Variants in SGPP1 observed in about 807,000 individuals in gnomAD.
The protein encoded by SGPP1 is hSPP1.
Under a neutral mutation model 33.0 loss-of-function variants are expected in SGPP1, and 21 were observed. The observed-to-expected ratio is 0.64, with a 90% CI of 0.45 to 0.92. The LOEUF (loss-of-function observed/expected upper bound fraction) is 0.92, where lower values mean the gene tolerates loss of function less well. Ranked by LOEUF, SGPP1 falls within the 40% of genes least tolerant of loss-of-function variation. The pLI is 0.00. For synonymous variants in SGPP1, 239 were observed against 241.2 expected (o/e 0.99, Z 0.08); for missense variants, 543 against 589.4 (o/e 0.92, Z 0.81).
At chr14:63,712,667 ATTTT>A (rs1566823533) in intron 1 of SGPP1, among the ~76,000 whole-genome samples, 2 of 152,120 alleles carry the variant, frequency 1.3e-5, no homozygotes, top group East Asian at 1.9e-4. Flanking sequence ...TTTTTTACTT[ATTTT>A]TTGTTTGTTT....
At position 63,724,051 on chromosome 14, in the gene SGPP1, AT is replaced by A. The variant is rs376537446; in HGVS notation, c.684+3209del. Among the ~76,000 whole-genome samples, 94 of 150,328 alleles carry A rather than the reference AT, an allele frequency of 6.3e-4. 1 individual carries two copies. The highest frequency in any genetic ancestry group is 2.1e-3 in the African/African-American group (85 of 40,986). On this transcript the variant is annotated intron_variant, in intron 1 of 2. Coordinates refer to ENST00000247225, the MANE Select transcript of SGPP1 (RefSeq NM_030791.4). ...CGCCACCATGCCCAGCTGATTTTTG[AT>A]TTTTTTTTGCAGAGACAGGGTCTCG...
chr14:63,723,036 T>C (rs1202536837), intron 1 of SGPP1, among the ~76,000 whole-genome samples: 1 of 151,840 alleles, frequency 6.6e-6, no homozygotes, highest in Non-Finnish European at 1.5e-5. Flanking sequence ...TTAAAACTGA[T>C]TACATTCCAT....
chr14:63,699,409 G>C (rs1316356075), intron 1 of SGPP1, among the ~76,000 whole-genome samples: 1 of 152,136 alleles, frequency 6.6e-6, no homozygotes, highest in Non-Finnish European at 1.5e-5. Context: ...GGCACATTTG[G>C]GGCTGTTTAT....
intron 1 of SGPP1, among the ~76,000 whole-genome samples, chr14:63,717,391 G>A (rs535678135): frequency 4.7e-5 from 7 of 149,960 alleles, no homozygotes; most frequent in Non-Finnish European, 7.4e-5. Context: ...ATCCGTTATC[G>A]GCTCACTGCA....
chr14:63,722,064 C>T (rs1763047527), intron 1 of SGPP1, among the ~76,000 whole-genome samples: 1 of 152,170 alleles, frequency 6.6e-6, no homozygotes, highest in Admixed American at 6.5e-5. Flanking sequence ...GCCCCTGACA[C>T]TTACTGGCTA....
In SGPP1 at chr14:63,686,508, G is replaced by A. The variant is rs777786902; in HGVS notation, c.923C>T (p.Thr308Ile). ...TCGGGATGTGCTCCAGGTGTCAAGA[G>A]TGAAAGAAAAGATCCCCAAAGCTAA... The part of the protein sequence containing the change: ...LHLALGIFSF[T>I]LDTWSTSRGD... The change falls in exon 3 of 3, where the codon ACT becomes ATT. Residue 308 changes from threonine (T) to isoleucine (I), a missense_variant. By Grantham distance (89) the Thr-to-Ile change is moderately conservative (BLOSUM62 -1). Transcript: ENST00000247225. The A allele has an allele frequency of 1.7e-5, 27 of 1,613,926 alleles. No individual in the cohort carries two copies. Among genetic ancestry groups the A allele is most frequent in the Non-Finnish European group, 2.3e-5 (27 of 1,180,022 alleles).
chr14:63,726,302 T>C (rs761900556), intron 1 of SGPP1, among the ~76,000 whole-genome samples: 1 of 152,216 alleles, frequency 6.6e-6, no homozygotes, highest in Non-Finnish European at 1.5e-5. Flanking sequence ...TTACGCACTT[T>C]ATTCTTAAAA....
intron 2 of SGPP1, among the ~76,000 whole-genome samples, chr14:63,687,115 T>C (rs2139622897): frequency 6.6e-6 from 1 of 152,250 alleles, no homozygotes; most frequent in African/African-American, 2.4e-5. Context: ...CAACCCCTAT[T>C]TTAGGGGTTG....
In SGPP1 at chr14:63,711,258, G is replaced by A. The variant is rs146064959; in HGVS notation, c.685-12600C>T. Among the ~76,000 whole-genome samples, 1,176 of 152,010 alleles carry A rather than the reference G, an allele frequency of 7.7e-3. 15 individuals are homozygous for A. The highest frequency in any genetic ancestry group is 0.026 in the African/African-American group (1,092 of 41,486). ...TTGAACTCCTGACCTCAGGTGATCC[G>A]CCCACCTCGGTCTCCCAAAGTGCTG... On this transcript the variant is annotated intron_variant, in intron 1 of 2. Coordinates refer to ENST00000247225, the MANE Select transcript of SGPP1 (RefSeq NM_030791.4).
chr14:63,692,751 C>T (rs1267726269), intron 2 of SGPP1, among the ~76,000 whole-genome samples: 1 of 152,148 alleles, frequency 6.6e-6, no homozygotes, highest in Non-Finnish European at 1.5e-5. Flanking sequence ...CACATCCAGC[C>T]TCAACACTTT....
intron 1 of SGPP1, among the ~76,000 whole-genome samples, chr14:63,724,958 C>T (rs1418789508): frequency 6.6e-6 from 1 of 151,026 alleles, no homozygotes; most frequent in Admixed American, 6.6e-5. Flanking sequence ...TCGAGACCAG[C>T]CTAGGCAATA....
intron 1 of SGPP1, among the ~76,000 whole-genome samples, chr14:63,715,750 A>G (rs1007675976): frequency 2.6e-5 from 4 of 152,164 alleles, no homozygotes; most frequent in Non-Finnish European, 4.4e-5. Flanking sequence ...AGATATGTAG[A>G]GGGAACTCAT....
At chr14:63,712,304 ACTTTCACTT>A (rs1382707875) in intron 1 of SGPP1, among the ~76,000 whole-genome samples, 1 of 152,042 alleles carries the variant, frequency 6.6e-6, no homozygotes, top group Non-Finnish European at 1.5e-5. Context: ...CCTCTCTCTT[ACTTTCACTT>A]CTGGCTTCCC....
In SGPP1 at chr14:63,684,741, A is replaced by G. The variant is rs907447773; in HGVS notation, c.*1364T>C. 2 of 152,506 alleles carry G rather than the reference A, an allele frequency of 1.3e-5. No homozygotes were observed. Among genetic ancestry groups the G allele is most frequent in the Admixed American group, 1.3e-4 (2 of 15,276 alleles). 9.4% of individuals were successfully genotyped at this position (152,506 alleles called of 1,614,324 possible). On this transcript the variant is annotated 3_prime_UTR_variant, in exon 3 of 3. Transcript: ENST00000247225. The stretch of plus-strand genomic sequence containing the variant: ...ACTTTCTACAAATACACTTACTATT[A>G]ACGTAAGTACAACCACACTTCAAAA...
chr14:63,689,551 C>G (rs1344669142), intron 2 of SGPP1, among the ~76,000 whole-genome samples: 1 of 151,744 alleles, frequency 6.6e-6, no homozygotes, highest in Admixed American at 6.6e-5. Flanking sequence ...AATCCCAGCA[C>G]TTTGGGAGGC....
chr14:63,722,593 AATT>A (rs1211277974), intron 1 of SGPP1, among the ~76,000 whole-genome samples: 2 of 147,614 alleles, frequency 1.4e-5, no homozygotes, highest in African/African-American at 5.3e-5. Flanking sequence ...TATAAAATAT[AATT>A]ATTATAATAA....
intron 1 of SGPP1, among the ~76,000 whole-genome samples, chr14:63,701,467 T>A (rs1395285471): frequency 6.6e-6 from 1 of 151,986 alleles, no homozygotes. Context: ...GAAGTTGAGA[T>A]TTGAGGCAAG....
At chr14:63,693,612 ATTATTT>A (rs1374098130) in intron 2 of SGPP1, among the ~76,000 whole-genome samples, 3 of 152,058 alleles carry the variant, frequency 2.0e-5, no homozygotes, top group African/African-American at 4.8e-5. Context: ...CTTTTTATTA[ATTATTT>A]TTATTTTTAT....
Position 63,686,398 on chromosome 14 carries a change from G to A in SGPP1, c.1033C>T (p.Pro345Ser). ...VTYNMGLVLD[P>S]SLDTLPLAGP... is the part of the protein sequence containing the mutation. ...GCTAAAGGTAATGTATCTAGAGAAG[G>A]ATCTAATACTAGACCCATGTTATAA... The change falls in exon 3 of 3, where the codon CCT becomes TCT. Residue 345 changes from proline to serine, a missense_variant. By Grantham distance (74) the Pro-to-Ser change is moderately conservative. Coordinates refer to ENST00000247225, the MANE Select transcript of SGPP1 (RefSeq NM_030791.4). 2 of 1,614,100 alleles carry A rather than the reference G, an allele frequency of 1.2e-6. No homozygotes were observed. The highest frequency in any genetic ancestry group is 1.1e-5 in the South Asian group (1 of 91,074).
Sources: gnomAD v4.1 joint callset for allele counts (sites outside exome capture counted in the v4.1 genomes callset) on GRCh38, gnomAD v4.1.1 for gene constraint, MANE v1.5 for transcripts, NCBI Gene and HGNC (gene_info 2026-07-23, HGNC 2026-07-21) for gene names.